The following SATB2 variants were observed in gnomAD, a reference collection of about 807,000 sequenced individuals.
SATB2 encodes the protein SATB homeobox 2.
A neutral mutation model predicts 73.4 loss-of-function variants in SATB2; 1 was observed. That is an observed-to-expected ratio of 0.01 (90% CI 0.00 to 0.06). The LOEUF (loss-of-function observed/expected upper bound fraction) is 0.06, where lower values mean the gene tolerates loss of function less well. SATB2 is among the 10% of genes least tolerant of loss of function. SATB2 has a pLI of 1.00. For missense variants in SATB2, 459 were observed against 945.8 expected (o/e 0.49, Z 6.75); for synonymous variants, 397 against 367.0 (o/e 1.08, Z -0.93).
intron 2 of SATB2, 64 bp from the exon 3 acceptor site, chr2:199,433,578 G>C: frequency 6.9e-7 from 1 of 1,451,058 alleles, no homozygotes; most frequent in Non-Finnish European, 9.7e-7. Context: ...TCACCACGAT[G>C]AGAAGGGAAG....
chr2:199,304,295 A>G (rs1212050970), intron 10 of SATB2, among the ~76,000 whole-genome samples: 4 of 152,210 alleles, frequency 2.6e-5, no homozygotes, highest in Non-Finnish European at 5.9e-5. Context: ...AAAAATCACT[A>G]CAACCACAGG....
intron 7 of SATB2, among the ~76,000 whole-genome samples, chr2:199,335,050 G>A (rs930673499): frequency 6.6e-6 from 1 of 151,988 alleles, no homozygotes; most frequent in African/African-American, 2.4e-5. Context: ...ACACCCCAGA[G>A]CATTGCTTAG....
At chr2:199,430,505 T>C (rs182806895) in intron 3 of SATB2, among the ~76,000 whole-genome samples, 2 of 152,322 alleles carry the variant, frequency 1.3e-5, no homozygotes, top group East Asian at 3.9e-4. Context: ...TGTTGGGAAA[T>C]GGAGGTTATG....
At position 199,439,439 on chromosome 2, in the gene SATB2, G is replaced by A. The variant is rs780066475; in HGVS notation, c.170-5925C>T. On this transcript the variant is annotated intron_variant, in intron 2 of 10. Coordinates refer to ENST00000417098, the MANE Select transcript of SATB2 (RefSeq NM_001172509.2). ...CTAGTTCTATCACCTGAGAAGGTCC[G>A]AGGGCTAACTGGAGATTATAAAGAC... 2.6e-5 allele frequency among the ~76,000 whole-genome samples: 4 copies of A among 152,206 alleles called. No homozygotes were observed. In the South Asian group the frequency reaches 8.3e-4, roughly 31 times the overall value.
At chr2:199,354,110 C>G (rs1688903158) in intron 6 of SATB2, among the ~76,000 whole-genome samples, 1 of 152,210 alleles carries the variant, frequency 6.6e-6, no homozygotes, top group Non-Finnish European at 1.5e-5. Context: ...GCAATCCCAG[C>G]ACTTTGGAAG....
At chr2:199,355,823 T>A (rs1688964605) in intron 6 of SATB2, among the ~76,000 whole-genome samples, 1 of 152,130 alleles carries the variant, frequency 6.6e-6, no homozygotes, top group Non-Finnish European at 1.5e-5. Context: ...TCTATTAAAC[T>A]CACCATTACA....
At chr2:199,346,705 G>A (rs1169064444) in intron 7 of SATB2, among the ~76,000 whole-genome samples, 1 of 152,104 alleles carries the variant, frequency 6.6e-6, no homozygotes, top group African/African-American at 2.4e-5. Flanking sequence ...AAAGTAAACA[G>A]ACCCTCTTTA....
intron 8 of SATB2, among the ~76,000 whole-genome samples, chr2:199,325,621 C>T (rs976258846): frequency 2.0e-5 from 3 of 152,168 alleles, no homozygotes; most frequent in Non-Finnish European, 4.4e-5. Context: ...GCATGTCTGC[C>T]CTTTCTCAAT....
intron 10 of SATB2, among the ~76,000 whole-genome samples, chr2:199,284,588 C>A (rs546233778): frequency 7.9e-5 from 12 of 152,162 alleles, no homozygotes; most frequent in African/African-American, 1.9e-4. Context: ...TATGAAAATC[C>A]AGTTGTCTTT....
chr2:199,470,222 C>T (rs1307137182), intron 1 of SATB2: 1 of 152,266 alleles, frequency 6.6e-6, no homozygotes, highest in Non-Finnish European at 1.5e-5. Flanking sequence ...AGCCCCATAA[C>T]GGAAAGGGCT....
upstream of SATB2, among the ~76,000 whole-genome samples, chr2:199,465,589 A>AT (rs1692578189): frequency 6.6e-6 from 1 of 152,226 alleles, no homozygotes; most frequent in Non-Finnish European, 1.5e-5. Flanking sequence ...TTAAAAATAT[A>AT]AAAGACCTTT....
intron 7 of SATB2, among the ~76,000 whole-genome samples, chr2:199,338,572 T>A (rs1221462987): frequency 6.6e-6 from 1 of 152,194 alleles, no homozygotes; most frequent in East Asian, 1.9e-4. Flanking sequence ...GAATTTTCTA[T>A]AATGAGTCTG....
chr2:199,381,890 T>C (rs1209742568), intron 3 of SATB2, 70 bp from the exon 4 acceptor site: 10 of 1,551,788 alleles, frequency 6.4e-6, no homozygotes. Context: ...GTTTGTTCAA[T>C]GTTAAGAAGG....
chr2:199,443,184 A>G (rs541583457), intron 2 of SATB2, among the ~76,000 whole-genome samples: 2 of 152,254 alleles, frequency 1.3e-5, no homozygotes, highest in East Asian at 3.9e-4. Context: ...AATTGTCCTT[A>G]TACTAACATT....
chr2:199,401,140 T>C (rs1345750035), intron 3 of SATB2, among the ~76,000 whole-genome samples: 1 of 152,204 alleles, frequency 6.6e-6, no homozygotes. Context: ...AGGCTAGACA[T>C]ACAGGATGGT....
upstream of SATB2, chr2:199,458,205 C>CG (rs1240727752): frequency 1.8e-5 from 1 of 55,804 alleles, no homozygotes; most frequent in Non-Finnish European, 3.0e-5. Flanking sequence ...GAGTGGGGGG[C>CG]GGGGAGGAGG....
chr2:199,312,953 G>A lies in SATB2; in HGVS notation c.1543-3996C>T, dbSNP rs149374957. 1.2e-3 allele frequency among the ~76,000 whole-genome samples: 189 copies of A among 152,258 alleles called. 1 individual carries two copies. The highest frequency in any genetic ancestry group is 4.2e-3 in the African/African-American group (174 of 41,550). ...GAAGAAAAGAAAAGACTTAAGAACC[G>A]TCACAGACTGCAGAAGACTAAGGAG... On this transcript the variant is annotated intron_variant, in intron 9 of 10. Transcript: ENST00000417098.
At chr2:199,392,549 A>G (rs549086652) in intron 3 of SATB2, among the ~76,000 whole-genome samples, 1 of 152,170 alleles carries the variant, frequency 6.6e-6, no homozygotes, top group Non-Finnish European at 1.5e-5. Context: ...ACAGCCCCAT[A>G]AAATGAGGAT....
intron 7 of SATB2, among the ~76,000 whole-genome samples, chr2:199,339,431 T>A (rs1488886346): frequency 1.3e-5 from 2 of 152,178 alleles, no homozygotes; most frequent in African/African-American, 4.8e-5. Context: ...TCTTCCTACT[T>A]TATTAATTTA....
Sources: gnomAD v4.1 joint callset for allele counts (sites outside exome capture counted in the v4.1 genomes callset) on GRCh38, gnomAD v4.1.1 for gene constraint, MANE v1.5 for transcripts, NCBI Gene and HGNC (gene_info 2026-07-23, HGNC 2026-07-21) for gene names.